TANK: variants seen among roughly 807,000 people sequenced by gnomAD.
The protein encoded by TANK is TRAF family member-associated NF-kappa-B activator.
TANK carries 15 observed loss-of-function variants against 43.6 expected under a neutral mutation model. The observed-to-expected ratio is 0.34, with a 90% CI of 0.23 to 0.53. The LOEUF is 0.53. Among genes scored for constraint, TANK ranks in the 20% least tolerant of loss-of-function variants. The pLI, the probability that TANK is intolerant of heterozygous loss-of-function variation, is 0.94. For missense variants in TANK, 417 were observed against 498.6 expected (o/e 0.84, Z 1.56); for synonymous variants, 162 against 178.2 (o/e 0.91, Z 0.73).
At chr2:161,169,692 T>C (rs2105271100) in intron 1 of TANK, among the ~76,000 whole-genome samples, 1 of 152,278 alleles carries the variant, frequency 6.6e-6, no homozygotes, top group South Asian at 2.1e-4. Flanking sequence ...ACACAACTCA[T>C]TAAGATATAG....
intron 1 of TANK, chr2:161,163,010 T>C (rs1367946974): frequency 6.6e-6 from 1 of 152,338 alleles, no homozygotes; most frequent in East Asian, 1.9e-4. Context: ...CGCTTGGTCA[T>C]GGTGTAATAT....
chr2:161,223,895 A>C lies in TANK; in HGVS notation c.328-20A>C. 6.6e-7 allele frequency: 1 copy of C among 1,525,504 alleles called. No individual in the cohort carries two copies. Among genetic ancestry groups the C allele is most frequent in the Non-Finnish European group, 9.0e-7 (1 of 1,108,666 alleles). 94.5% of individuals were successfully genotyped at this position (1,525,504 alleles called of 1,614,324 possible). ...GGGAGCAATTTAAAGTAGTAATAGT[A>C]ATCATTTTGTATGTTTAAGGTAAGA... On this transcript the variant is annotated intron_variant, in intron 4 of 7. Coordinates refer to ENST00000392749, the MANE Select transcript of TANK (RefSeq NM_001199135.3).
At chr2:161,137,096 T>C in intron 1 of TANK, 1 of 985,482 alleles carries the variant, frequency 1.0e-6, no homozygotes, top group Non-Finnish European at 1.2e-6. Flanking sequence ...TACTGATTCT[T>C]AACCTAGGAA....
chr2:161,208,663 G>A (rs1458813839), intron 4 of TANK, among the ~76,000 whole-genome samples: 4 of 151,504 alleles, frequency 2.6e-5, no homozygotes, highest in South Asian at 2.1e-4. Flanking sequence ...GCAGTCATCC[G>A]AAGGCTTAAC....
At chr2:161,222,045 A>T (rs1205186204) in intron 4 of TANK, among the ~76,000 whole-genome samples, 1 of 152,116 alleles carries the variant, frequency 6.6e-6, no homozygotes, top group African/African-American at 2.4e-5. Flanking sequence ...TTATTTACCA[A>T]GCGAGACAAA....
chr2:161,140,060 G>A (rs1683698180), intron 1 of TANK: 2 of 423,174 alleles, frequency 4.7e-6, no homozygotes, highest in Non-Finnish European at 6.3e-6. Flanking sequence ...GTAAAAATTA[G>A]TCTATATTTT....
At chr2:161,199,647 A>G (rs1252261435) in intron 2 of TANK, among the ~76,000 whole-genome samples, 1 of 152,230 alleles carries the variant, frequency 6.6e-6, no homozygotes, top group Non-Finnish European at 1.5e-5. Context: ...TGCTTATCAT[A>G]ATCCAGAGTA....
chr2:161,160,606 AG>A, intron 1 of TANK, 120 bp downstream of exon 1: 1 of 848,594 alleles, frequency 1.2e-6, no homozygotes, highest in Non-Finnish European at 1.7e-6. Flanking sequence ...AGAGAAGCCG[AG>A]GAGCAGCGGA....
chr2:161,168,030 C>T (rs1480958830), intron 1 of TANK, among the ~76,000 whole-genome samples: 2 of 152,084 alleles, frequency 1.3e-5, no homozygotes, highest in Non-Finnish European at 2.9e-5. Flanking sequence ...AGTGATTATA[C>T]ATTGTTGAAC....
In TANK at chr2:161,217,585, TTGTGTG is replaced by T. The variant is rs375688309; in HGVS notation, c.328-6290_328-6285del. ...TCTTCAGTGTTTTCAGGTAGTTGGT[TTGTGTG>T]TGTGTGTGTGTGTGTGTGTGTGTGT... On this transcript the variant is annotated intron_variant, in intron 4 of 7. Transcript: ENST00000392749. Among the ~76,000 whole-genome samples the T allele has an allele frequency of 4.0e-3, 540 of 136,632 alleles. 1 individual carries two copies. Among genetic ancestry groups the T allele is most frequent in the African/African-American group, 8.2e-3 (295 of 36,170 alleles). 89.6% of individuals were successfully genotyped at this position (136,632 alleles called of 152,430 possible).
chr2:161,232,732 G>A, intron 7 of TANK: 1 of 1,548,146 alleles, frequency 6.5e-7, no homozygotes, highest in South Asian at 1.2e-5. Context: ...TCTTTTACTA[G>A]TCTGTGCATT....
At chr2:161,140,626 T>G (rs1029380833) in intron 1 of TANK, among the ~76,000 whole-genome samples, 1 of 152,164 alleles carries the variant, frequency 6.6e-6, no homozygotes, top group Non-Finnish European at 1.5e-5. Context: ...AGTTTGTGAG[T>G]TGAATTATTA....
intron 7 of TANK, among the ~76,000 whole-genome samples, chr2:161,233,953 CAG>C (rs1157082733): frequency 4.6e-5 from 7 of 151,874 alleles, no homozygotes; most frequent in South Asian, 2.1e-4. Context: ...GAAGTTTTTC[CAG>C]AGAGTTATTT....
chr2:161,231,152 C>A lies in TANK; in HGVS notation c.702C>A (p.Val234=), dbSNP rs1385125882. The A allele has an allele frequency of 3.7e-6, 6 of 1,613,892 alleles. No individual in the cohort carries two copies. In the Admixed American group the frequency reaches 1.0e-4, roughly 27 times the overall value. Residue 234 remains valine (V), a synonymous_variant, in exon 7 of 8, where the codon GTC becomes GTA. Transcript: ENST00000392749. ...TTGAATCACTTTCTAAATTCAATGT[C>A]AAGTTTCCACCTATGGACAATGACT... ...TSFESLSKFN[V]KFPPMDNDST...
chr2:161,153,374 T>C (rs1038160247), intron 1 of TANK, among the ~76,000 whole-genome samples: 2 of 152,010 alleles, frequency 1.3e-5, no homozygotes, highest in East Asian at 1.9e-4. Flanking sequence ...TAAGTGATAA[T>C]TATGACTTTT....
chr2:161,185,351 G>T (rs1029066915), intron 2 of TANK, among the ~76,000 whole-genome samples: 1 of 152,108 alleles, frequency 6.6e-6, no homozygotes, highest in African/African-American at 2.4e-5. Context: ...GTTAAGTTGA[G>T]TGGGAAGGGC....
intron 2 of TANK, among the ~76,000 whole-genome samples, chr2:161,185,689 A>T (rs1685626633): frequency 8.1e-6 from 1 of 123,782 alleles, no homozygotes; most frequent in African/African-American, 3.1e-5. Flanking sequence ...AGGAAGGGGA[A>T]TATCACACTC....
Position 161,182,970 on chromosome 2 carries a change from G to A in TANK, c.99+3209G>A, listed in dbSNP as rs117361480. Among the ~76,000 whole-genome samples, 217 of 152,218 alleles carry A rather than the reference G, an allele frequency of 1.4e-3. 4 individuals carry two copies. In the East Asian group the frequency reaches 0.037, roughly 26 times the overall value. ...TTCCTGAGGCGTGCTTCCAAGGCCT[G>A]AAGCACCTCAGTATTGTAACAAAAG... On this transcript the variant is annotated intron_variant, in intron 2 of 7. Coordinates refer to ENST00000392749, the MANE Select transcript of TANK (RefSeq NM_001199135.3).
chr2:161,193,197 G>A (rs1477006472), intron 2 of TANK, among the ~76,000 whole-genome samples: 2 of 152,182 alleles, frequency 1.3e-5, no homozygotes, highest in African/African-American at 4.8e-5. Context: ...GCATGTGTAA[G>A]CATTCATACA....
Sources: allele counts gnomAD v4.1 joint callset (sites outside exome capture counted in the v4.1 genomes callset), GRCh38; gene constraint gnomAD v4.1.1; transcripts MANE v1.5; gene names NCBI Gene and HGNC (gene_info 2026-07-23, HGNC 2026-07-21).